The following UBR4 variants were observed in gnomAD, a reference collection of about 807,000 sequenced individuals.
UBR4 encodes ubiquitin protein ligase E3 component n-recognin 4.
Under a neutral mutation model 575.6 loss-of-function variants are expected in UBR4, and 124 were observed. The observed-to-expected ratio is 0.22, with a 90% CI of 0.19 to 0.25. The LOEUF is 0.25. Ranked by LOEUF, UBR4 falls within the 10% of genes least tolerant of loss-of-function variation. The pLI is 1.00. For missense variants in UBR4, 4,818 were observed against 6,478.8 expected, an observed-to-expected ratio of 0.74 and a Z score of 8.80; for synonymous variants, 2,455 against 2,473.7, an observed-to-expected ratio of 0.99 and a Z score of 0.22.
chr1:19,129,292 A>G (rs1378981959), intron 60 of UBR4, among the ~76,000 whole-genome samples: 3 of 152,202 alleles, frequency 2.0e-5, no homozygotes, highest in African/African-American at 7.2e-5. Context: ...AAAGAAAGTG[A>G]AACTATTCTA....
chr1:19,176,582 T>G lies in UBR4; in HGVS notation c.2773+10A>C. The G allele has an allele frequency of 2.5e-6, 4 of 1,612,422 alleles. No individual in the cohort carries two copies. Among genetic ancestry groups the G allele is most frequent in the Non-Finnish European group, 3.4e-6 (4 of 1,179,190 alleles). Reference sequence around the variant, plus strand: ...TAAGTCAGTTTCTTATTAACAGTCTTCTTTCTGACCTGATGAGAAATGCTT... The same window carrying G: ...TAAGTCAGTTTCTTATTAACAGTCTGCTTTCTGACCTGATGAGAAATGCTT... On this transcript the variant is annotated intron_variant, in intron 20 of 105. Coordinates refer to ENST00000375254, the MANE Select transcript of UBR4 (RefSeq NM_020765.3).
rs1024902202 is a variant in UBR4, at chr1:19,152,652, C to T, written c.6833-176G>A. 6.6e-6 allele frequency among the ~76,000 whole-genome samples: 1 copy of T among 152,186 alleles called. No individual in the cohort carries two copies. The highest frequency in any genetic ancestry group is 2.4e-5 in the African/African-American group (1 of 41,446). ...TGGTTAGCTCTCCAATGGTTGTTAT[C>T]CCTAACTATGACATGTCCTAGCAAT... On this transcript the variant is annotated intron_variant, in intron 46 of 105. Transcript: ENST00000375254. The surrounding 1 kb of genome is among the most constrained non-coding windows in gnomAD (Gnocchi z 4.4).
At chr1:19,128,106 G>T in intron 62 of UBR4, 105 bp downstream of exon 62, 1 of 1,100,292 alleles carries the variant, frequency 9.1e-7, no homozygotes. Context: ...TCAGTGGATG[G>T]TTACCCCTTG....
At chr1:19,077,949 C>T (rs562175978) in intron 104 of UBR4, 27 bp downstream of exon 104, 4 of 1,613,610 alleles carry the variant, frequency 2.5e-6, no homozygotes, top group Admixed American at 3.3e-5. Context: ...TTGCCAAAAC[C>T]CACTGGGCCT....
Position 19,207,481 on chromosome 1 carries a change from T to C in UBR4, c.176+2592A>G, listed in dbSNP as rs867716331. 3.9e-5 allele frequency among the ~76,000 whole-genome samples: 6 copies of C among 152,198 alleles called. No homozygotes were observed. The Middle Eastern group carries it at 0.014, about 345-fold the overall frequency. On this transcript the variant is annotated intron_variant, in intron 1 of 105. Coordinates refer to ENST00000375254, the MANE Select transcript of UBR4 (RefSeq NM_020765.3). ...TCGTCTCTACTACAAATACAAAAAT[T>C]AGCCGGGTCTGGTGGCGCACATCTA...
At chr1:19,121,097 T>C (rs942671406) in intron 68 of UBR4, 92 bp downstream of exon 68, 2 of 1,518,560 alleles carry the variant, frequency 1.3e-6, no homozygotes, top group African/African-American at 2.8e-5. Context: ...TAAATCAGGA[T>C]TAAAAGACCT....
chr1:19,104,275 T>C lies in UBR4; in HGVS notation c.12728-18A>G, dbSNP rs774813395. 4.3e-6 allele frequency: 7 copies of C among 1,612,690 alleles called. No individual in the cohort carries two copies. The highest frequency in any genetic ancestry group is 5.9e-6 in the Non-Finnish European group (7 of 1,178,938). The stretch of plus-strand genomic sequence containing the variant: ...GAGAAGGCCTGTGGAGACAGGAAAA[T>C]GTTGCTGTGAGAGCTCTGGATGAAA... On this transcript the variant is annotated intron_variant, in intron 86 of 105. Transcript: ENST00000375254.
rs2091008539 is a variant in UBR4 at position 19,181,945 on chromosome 1, A to C, written c.2184+1866T>G. On this transcript the variant is annotated intron_variant, in intron 17 of 105. Coordinates refer to ENST00000375254, the MANE Select transcript of UBR4 (RefSeq NM_020765.3). ...TCCAAACTGAAACACTGTACCCACT[A>C]AACACCAAGTCCCCATTTTCCCATC... 3.3e-5 allele frequency among the ~76,000 whole-genome samples: 5 copies of C among 152,118 alleles called. No homozygotes were observed. The South Asian group carries it at 1.0e-3, about 31-fold the overall frequency.
Position 19,115,538 on chromosome 1 carries a change from C to G in UBR4, c.10923G>C (p.Met3641Ile). 1 of 1,614,214 alleles carries G rather than the reference C, an allele frequency of 6.2e-7. No homozygotes were observed. The highest frequency in any genetic ancestry group is 8.5e-7 in the Non-Finnish European group (1 of 1,180,030). ...TTTCATAGAAGTCTGCAAACTCAAT[C>G]ATCAGATTGGAGGCCACAATGGGCA... ...LPLPIVASNL[M>I]IEFADFYENY... The change falls in exon 74 of 106, where the codon ATG becomes ATC. Residue 3641 changes from methionine to isoleucine, a missense_variant. Physicochemically the swap from Met to Ile is conservative, Grantham distance 10. Transcript: ENST00000375254.
intron 68 of UBR4, 47 bp from the exon 69 acceptor site, chr1:19,120,395 C>T: frequency 6.3e-7 from 1 of 1,596,216 alleles, no homozygotes; most frequent in Non-Finnish European, 8.6e-7. Flanking sequence ...GGAAGAAGTC[C>T]TCCAGGGTCC....
intron 39 of UBR4, among the ~76,000 whole-genome samples, chr1:19,159,434 G>A (rs2086942634): frequency 1.3e-5 from 2 of 152,136 alleles, no homozygotes; most frequent in Non-Finnish European, 2.9e-5. Flanking sequence ...ATGAACTTTA[G>A]AGAAGATACA....
chr1:19,116,554 A>G (rs1330054295), intron 73 of UBR4, among the ~76,000 whole-genome samples: 1 of 152,206 alleles, frequency 6.6e-6, no homozygotes, highest in Non-Finnish European at 1.5e-5. Context: ...TGTGCAGAAC[A>G]GCTCTGTAAG....
chr1:19,101,806 T>C (rs2149082427), intron 87 of UBR4, among the ~76,000 whole-genome samples, 165 bp from the exon 88 acceptor site: 1 of 152,370 alleles, frequency 6.6e-6, no homozygotes, highest in African/African-American at 2.4e-5. Flanking sequence ...TTGATGCTGA[T>C]TGATTTTATC....
chr1:19,150,466 C>A, intron 49 of UBR4, 111 bp downstream of exon 49: 2 of 1,255,782 alleles, frequency 1.6e-6, no homozygotes, highest in African/African-American at 1.5e-5. Flanking sequence ...TAAAAAAATT[C>A]CAGGCTAGCC....
In UBR4 at chr1:19,089,116, CCA is replaced by C. The variant is rs1194422490; in HGVS notation, c.14212-141_14212-140del. 7 of 838,348 alleles carry C rather than the reference CCA, an allele frequency of 8.3e-6. No individual in the cohort carries two copies. The highest frequency in any genetic ancestry group is 9.3e-6 in the Non-Finnish European group (5 of 539,726). 51.9% of individuals were successfully genotyped at this position (838,348 alleles called of 1,614,324 possible). ...TCAGCTGCAATCAGGTCCTTTGATT[CCA>C]CACTTTGACAGACACAGACAAATGG... is the stretch of plus-strand genomic sequence containing the variant. On this transcript the variant is annotated intron_variant, in intron 97 of 105. Transcript: ENST00000375254. This position sits in a 1 kb window ranked among gnomAD's most constrained non-coding sequence, Gnocchi z 4.3.
At chr1:19,149,802 G>A in intron 49 of UBR4, 3 of 1,291,380 alleles carry the variant, frequency 2.3e-6, no homozygotes, top group South Asian at 2.6e-5. Context: ...AGAACTTGGG[G>A]GAGAAGCAAA....
At position 19,151,867 on chromosome 1, in the gene UBR4, G is replaced by C; in HGVS notation, c.6997-8C>G. 6.4e-7 allele frequency: 1 copy of C among 1,572,634 alleles called. No homozygotes were observed. Among genetic ancestry groups the C allele is most frequent in the Non-Finnish European group, 8.6e-7 (1 of 1,160,182 alleles). ...AATGGTGAAGCCTCCGGGCTGTAGG[G>C]AGACAAGGCACACATCAAGAAACTA... On this transcript the variant is annotated splice_polypyrimidine_tract_variant and splice_region_variant and intron_variant, in intron 47 of 105. Transcript: ENST00000375254.
At chr1:19,107,262 T>C (rs771362372) in intron 81 of UBR4, among the ~76,000 whole-genome samples, 13 of 152,134 alleles carry the variant, frequency 8.5e-5, no homozygotes, top group Non-Finnish European at 1.8e-4. Context: ...CACGGCTGAT[T>C]TGCAGTTTCC....
Position 19,100,528 on chromosome 1 carries a change from G to A in UBR4, c.13069C>T (p.Pro4357Ser). 1.2e-6 allele frequency: 2 copies of A among 1,614,048 alleles called. No individual in the cohort carries two copies. The highest frequency in any genetic ancestry group is 1.7e-6 in the Non-Finnish European group (2 of 1,180,014). ...CCCTGTAAGAAGTCTTCTTGTTGGGGATCCTTCTCCAGGGTCACAAAGAAC... is the reference window on the plus strand; with the variant it reads ...CCCTGTAAGAAGTCTTCTTGTTGGGAATCCTTCTCCAGGGTCACAAAGAAC... The part of the protein sequence containing the change: ...TEFFVTLEKD[P>S]QQEDFLQGRM... The change falls in exon 89 of 106, where the codon CCC (proline) becomes TCC (serine). Residue 4357 changes from proline (P) to serine (S), a missense_variant. Transcript: ENST00000375254. This position sits in a 1 kb window ranked among gnomAD's most constrained non-coding sequence, Gnocchi z 4.2.
Sources: gnomAD v4.1 joint callset for allele counts (sites outside exome capture counted in the v4.1 genomes callset) on GRCh38, gnomAD v4.1.1 for gene constraint, Gnocchi (gnomAD v3.1) non-coding constraint, MANE v1.5 for transcripts, NCBI Gene and HGNC (gene_info 2026-07-23, HGNC 2026-07-21) for gene names.